The following FHIT variants were observed in gnomAD, a reference collection of about 807,000 sequenced individuals.
FHIT encodes fragile histidine triad diadenosine triphosphatase, also known as bis(5'-adenosyl)-triphosphatase.
Under a neutral mutation model 17.9 loss-of-function variants are expected in FHIT, and 19 were observed. That is an observed-to-expected ratio of 1.06 (90% CI 0.74 to 1.56). The LOEUF (loss-of-function observed/expected upper bound fraction) is 1.56, where lower values mean the gene tolerates loss of function less well. FHIT is among the 40% of genes most tolerant of loss of function. The pLI, the probability that FHIT is intolerant of heterozygous loss-of-function variation, is 0.00. For synonymous variants in FHIT, 81 were observed against 69.7 expected, an observed-to-expected ratio of 1.16 and a Z score of -0.81; for missense variants, 248 against 189.2, an observed-to-expected ratio of 1.31 and a Z score of -1.82.
At chr3:60,706,991 G>A (rs1231391683) in intron 4 of FHIT, among the ~76,000 whole-genome samples, 1 of 152,194 alleles carries the variant, frequency 6.6e-6, no homozygotes, top group Non-Finnish European at 1.5e-5. Flanking sequence ...GCCCAAGCCG[G>A]AAGAAAACTC....
chr3:59,832,148 G>A (rs1342486184), intron 8 of FHIT, among the ~76,000 whole-genome samples: 1 of 152,092 alleles, frequency 6.6e-6, no homozygotes, highest in Non-Finnish European at 1.5e-5. Context: ...CAGTTTTCCT[G>A]GATTGTACCT....
chr3:59,911,655 C>A (rs1704882035), intron 8 of FHIT, among the ~76,000 whole-genome samples: 1 of 152,160 alleles, frequency 6.6e-6, no homozygotes, highest in South Asian at 2.1e-4. Flanking sequence ...GAAAAAATAC[C>A]TTGGCATCTC....
intron 3 of FHIT, among the ~76,000 whole-genome samples, chr3:60,855,884 T>G (rs548345358): frequency 1.3e-5 from 2 of 152,168 alleles, no homozygotes; most frequent in Non-Finnish European, 2.9e-5. Context: ...TGAATCCAAT[T>G]CAAAAGACGT....
At chr3:60,189,997 A>G (rs1702330742) in intron 5 of FHIT, among the ~76,000 whole-genome samples, 1 of 152,202 alleles carries the variant, frequency 6.6e-6, no homozygotes, top group Non-Finnish European at 1.5e-5. Context: ...TCTGACCTGC[A>G]TTTAGGCCAG....
intron 5 of FHIT, among the ~76,000 whole-genome samples, chr3:60,035,208 A>C (rs956363867): frequency 8.5e-5 from 13 of 152,182 alleles, no homozygotes; most frequent in African/African-American, 3.1e-4. Context: ...AGAGGTGAGA[A>C]AAGAGAGTCA....
intron 4 of FHIT, among the ~76,000 whole-genome samples, chr3:60,701,123 C>CT (rs11425787): frequency 0.29 from 39,072 of 132,640 alleles, 5,874 homozygotes; most frequent in African/African-American, 0.33. Flanking sequence ...TGAAAAGACC[C>CT]TTTTTTTTTT....
chr3:60,418,797 G>A (rs1394777626), intron 5 of FHIT, among the ~76,000 whole-genome samples: 2 of 151,674 alleles, frequency 1.3e-5, no homozygotes, highest in Non-Finnish European at 2.9e-5. Flanking sequence ...GATATGGAAA[G>A]ACATCTATGA....
chr3:60,924,677 C>A (rs1707480323), intron 3 of FHIT, among the ~76,000 whole-genome samples: 1 of 152,304 alleles, frequency 6.6e-6, no homozygotes, highest in African/African-American at 2.4e-5. Flanking sequence ...GAACGCAGCT[C>A]CTCACAAGCA....
At chr3:60,708,933 C>G (rs1283786793) in intron 4 of FHIT, among the ~76,000 whole-genome samples, 4 of 152,128 alleles carry the variant, frequency 2.6e-5, no homozygotes, top group African/African-American at 7.2e-5. Context: ...ACAAATTATT[C>G]CTGCTTTATA....
At chr3:61,122,946 G>A (rs554776486) in intron 2 of FHIT, among the ~76,000 whole-genome samples, 3 of 152,264 alleles carry the variant, frequency 2.0e-5, no homozygotes, top group South Asian at 4.1e-4. Flanking sequence ...ACAGTGTGGC[G>A]ATTCCTCAAG....
At chr3:61,238,685 T>C (rs1158502837) in intron 1 of FHIT, among the ~76,000 whole-genome samples, 1 of 152,236 alleles carries the variant, frequency 6.6e-6, no homozygotes, top group Non-Finnish European at 1.5e-5. Flanking sequence ...GAGAGTAGAC[T>C]AGATGAATCC....
At chr3:60,198,358 T>C (rs1702740850) in intron 5 of FHIT, among the ~76,000 whole-genome samples, 1 of 152,204 alleles carries the variant, frequency 6.6e-6, no homozygotes, top group Non-Finnish European at 1.5e-5. Flanking sequence ...TTAAATTTCA[T>C]TTTAAGCTTG....
chr3:60,308,564 T>C (rs1479312073), intron 5 of FHIT, among the ~76,000 whole-genome samples: 1 of 149,760 alleles, frequency 6.7e-6, no homozygotes, highest in Non-Finnish European at 1.5e-5. Flanking sequence ...ACTTTAACGT[T>C]ACATTGGGTC....
intron 2 of FHIT, among the ~76,000 whole-genome samples, chr3:61,045,434 G>A (rs923904829): frequency 6.6e-6 from 1 of 152,178 alleles, no homozygotes; most frequent in African/African-American, 2.4e-5. Flanking sequence ...AACAAGAAGA[G>A]CTAACTATCC....
chr3:60,403,608 G>T (rs1487955685), intron 5 of FHIT, among the ~76,000 whole-genome samples: 1 of 152,044 alleles, frequency 6.6e-6, no homozygotes, highest in Non-Finnish European at 1.5e-5. Context: ...TTAATTATAG[G>T]TCATTAGACC....
In FHIT at chr3:60,335,792, A is replaced by G. The variant is rs994253933; in HGVS notation, c.103+201068T>C. On this transcript the variant is annotated intron_variant, in intron 5 of 9. Coordinates refer to ENST00000492590, the MANE Select transcript of FHIT (RefSeq NM_002012.4). ...AATTATGCCTGTTTCTCTTTACTTA[A>G]ATGTAAGAATTACTTTGGTGACCTA... Among the ~76,000 whole-genome samples, 4 of 152,258 alleles carry G rather than the reference A, an allele frequency of 2.6e-5. No homozygotes were observed. The East Asian group carries it at 7.7e-4, about 29-fold the overall frequency.
intron 4 of FHIT, among the ~76,000 whole-genome samples, chr3:60,574,080 C>T (rs1301819795): frequency 6.6e-6 from 1 of 152,024 alleles, no homozygotes; most frequent in African/African-American, 2.4e-5. Flanking sequence ...AAAGTGCTGG[C>T]ATTACAGACG....
At chr3:59,858,902 G>A (rs57233812) in intron 8 of FHIT, among the ~76,000 whole-genome samples, 149 of 152,262 alleles carry the variant, frequency 9.8e-4, no homozygotes, top group African/African-American at 3.0e-3. Flanking sequence ...CACATACCCA[G>A]ATATGGAAAT....
chr3:61,143,619 G>A lies in FHIT; in HGVS notation c.-164+56998C>T, dbSNP rs191560740. On this transcript the variant is annotated intron_variant, in intron 2 of 9. Coordinates refer to ENST00000492590, the MANE Select transcript of FHIT (RefSeq NM_002012.4). ...AGTGGCTCACGCCTGTAATCCCAAC[G>A]CTCTGGGAGGCCGAGGCGGGTGGAT... Among the ~76,000 whole-genome samples, 17 of 152,210 alleles carry A rather than the reference G, an allele frequency of 1.1e-4. No individual in the cohort carries two copies. In the South Asian group the frequency reaches 1.7e-3, roughly 15 times the overall value.
Sources: allele counts gnomAD v4.1 joint callset (sites outside exome capture counted in the v4.1 genomes callset), GRCh38; gene constraint gnomAD v4.1.1; transcripts MANE v1.5; gene names NCBI Gene and HGNC (gene_info 2026-07-23, HGNC 2026-07-21).